The following SPAG17 variants were observed in gnomAD, a reference collection of about 807,000 sequenced individuals.
The protein encoded by SPAG17 is sperm associated antigen 17.
Under a neutral mutation model 273.6 loss-of-function variants are expected in SPAG17, and 169 were observed. The observed-to-expected ratio is 0.62, with a 90% confidence interval of 0.55 to 0.70. The LOEUF is 0.70. Ranked by LOEUF, SPAG17 falls within the 30% of genes least tolerant of loss-of-function variation. The pLI is 0.00. For synonymous variants in SPAG17, 825 were observed against 873.2 expected (o/e 0.94, Z 0.97); for missense variants, 2,557 against 2,627.8 (o/e 0.97, Z 0.59).
chr1:118,005,150 G>A (rs901623894), intron 32 of SPAG17, among the ~76,000 whole-genome samples: 1 of 152,138 alleles, frequency 6.6e-6, no homozygotes, highest in Non-Finnish European at 1.5e-5. Flanking sequence ...GTCTGCTACT[G>A]TTTCTTCCTT....
At position 118,012,208 on chromosome 1, in the gene SPAG17, A is replaced by G. The variant is rs768891217; in HGVS notation, c.4432+20T>C. 2 of 1,604,596 alleles carry G rather than the reference A, an allele frequency of 1.2e-6. No individual in the cohort carries two copies. Among genetic ancestry groups the G allele is most frequent in the Non-Finnish European group, 1.7e-6 (2 of 1,172,276 alleles). ...AAAGAGTTATAAAATATTGTCATGT[A>G]CTCAGAAAATAAAACATACTTGTTT... On this transcript the variant is annotated intron_variant, in intron 30 of 48. Transcript: ENST00000336338.
intron 18 of SPAG17, among the ~76,000 whole-genome samples, chr1:118,062,227 C>T (rs1000293855): frequency 3.3e-5 from 5 of 151,630 alleles, no homozygotes; most frequent in Admixed American, 1.3e-4. Flanking sequence ...ATTAGCCGGG[C>T]GTAGTGGCGG....
rs1655391630 is a variant in SPAG17, at chr1:118,091,809, TGCACTAATAAATGCAGGA to T, written c.1246+103_1247-92del. 17 of 1,321,504 alleles carry T rather than the reference TGCACTAATAAATGCAGGA, an allele frequency of 1.3e-5. No homozygotes were observed. The South Asian group carries it at 1.9e-4, about 15-fold the overall frequency. The allele number at this position is 1,321,504 out of a possible 1,614,324, so 81.9% of individuals were successfully genotyped here. A position where few individuals can be genotyped will look rare whatever the true frequency, so the allele number is the denominator to read the frequency against. The stretch of plus-strand genomic sequence containing the variant: ...CATGCATAATTTCAAACTATGACTA[TGCACTAATAAATGCAGGA>T]GCTGTAGGTGAAGGGAGGCTGAAAG... On this transcript the variant is annotated intron_variant, in intron 9 of 48. Transcript: ENST00000336338.
chr1:118,163,160 G>A (rs554888456), intron 1 of SPAG17, among the ~76,000 whole-genome samples: 34 of 152,050 alleles, frequency 2.2e-4, no homozygotes, highest in African/African-American at 4.1e-4. Flanking sequence ...TTATCTTTTC[G>A]TGCTTTTCTG....
intron 24 of SPAG17, among the ~76,000 whole-genome samples, chr1:118,033,278 T>A (rs1222279342): frequency 3.9e-5 from 6 of 152,148 alleles, no homozygotes; most frequent in African/African-American, 1.4e-4. Flanking sequence ...CAAACTCAAT[T>A]AAGTCTCTCT....
In SPAG17 at chr1:118,081,560, T is replaced by A. The variant is rs367656575; in HGVS notation, c.1845A>T (p.Lys615Asn). ...TCATCCCAGAAGGTTTCAGTTTCCC[T>A]TTTTCATCAACCTCAGAGAGCTTCA... is the stretch of plus-strand genomic sequence containing the variant. Reference protein sequence around the residue: ...ESLKLSEVDEKGKLKPSGMMC... With the variant: ...ESLKLSEVDENGKLKPSGMMC... Residue 615 changes from lysine to asparagine, a missense_variant, in exon 14 of 49, where the codon AAA becomes AAT. Transcript: ENST00000336338. 8.7e-6 allele frequency: 14 copies of A among 1,613,862 alleles called. No homozygotes were observed. Among genetic ancestry groups the A allele is most frequent in the Non-Finnish European group, 1.2e-5 (14 of 1,179,914 alleles).
At chr1:118,093,086 C>A (rs1028036936) in intron 8 of SPAG17, 70 bp downstream of exon 8, 2 of 1,484,788 alleles carry the variant, frequency 1.3e-6, no homozygotes, top group African/African-American at 2.8e-5. Flanking sequence ...CTTCATATGC[C>A]TTATAAATAT....
chr1:118,068,205 T>C (rs757385346), intron 17 of SPAG17, among the ~76,000 whole-genome samples: 2 of 151,558 alleles, frequency 1.3e-5, no homozygotes, highest in Non-Finnish European at 2.9e-5. Flanking sequence ...TAATTTTGCT[T>C]TCAATTCTAC....
At chr1:117,982,055 C>T (rs1032982459) in intron 42 of SPAG17, among the ~76,000 whole-genome samples, 6 of 151,986 alleles carry the variant, frequency 3.9e-5, no homozygotes, top group Non-Finnish European at 5.9e-5. Flanking sequence ...AGGTCTGAGA[C>T]GCAACCTAAT....
At chr1:117,966,561 T>C (rs772211628) in intron 47 of SPAG17, 48 bp downstream of exon 47, 1 of 1,429,934 alleles carries the variant, frequency 7.0e-7, no homozygotes, top group South Asian at 1.7e-5. Flanking sequence ...CTCACTCGTG[T>C]AATTTCTGCA....
rs1472625057 is a variant in SPAG17, at chr1:117,972,066, T to A, written c.6142-19A>T. On this transcript the variant is annotated intron_variant, in intron 44 of 48. Coordinates refer to ENST00000336338, the MANE Select transcript of SPAG17 (RefSeq NM_206996.4). ...CTTGCACCTTTGCATTAAGAAAAAA[T>A]TAATAAAATGGTTCTATTTTGAGTT... 2.5e-6 allele frequency: 4 copies of A among 1,580,536 alleles called. No individual in the cohort carries two copies. The highest frequency in any genetic ancestry group is 2.4e-5 in the South Asian group (2 of 85,100).
chr1:118,177,354 C>A (rs1348108385), intron 1 of SPAG17, among the ~76,000 whole-genome samples: 3 of 152,012 alleles, frequency 2.0e-5, no homozygotes, highest in Non-Finnish European at 2.9e-5. Flanking sequence ...TAAGATCTTG[C>A]GAGATTCCCT....
Position 117,994,526 on chromosome 1 carries a change from G to C in SPAG17, c.5058C>G (p.Thr1686=). 6.2e-7 allele frequency: 1 copy of C among 1,605,554 alleles called. No individual in the cohort carries two copies. The highest frequency in any genetic ancestry group is 8.5e-7 in the Non-Finnish European group (1 of 1,176,858). The stretch of plus-strand genomic sequence containing the variant: ...AAGGGCGAAGGACTGTGATGGTTAG[G>C]GTGCCTGGTTCAAAGAAAGTTGTCA... The part of the protein sequence containing the change: ...LQEPVQEQPG[T]LTITVLRPFH... Residue 1686 remains threonine, a synonymous_variant, in exon 35 of 49, where the codon ACC becomes ACG. Transcript: ENST00000336338.
Position 117,981,385 on chromosome 1 carries a change from C to T in SPAG17, c.5889G>A (p.Lys1963=). The change falls in exon 43 of 49, where the codon AAG becomes AAA. Residue 1963 remains lysine (K), a synonymous_variant. Coordinates refer to ENST00000336338, the MANE Select transcript of SPAG17 (RefSeq NM_206996.4). ...CACTTGAGGATTTCTGTTCTGAAAC[C>T]TTATGTGGCTTGAAATCTAGAAAAC... ...SDLNLDFKPH[K]VSEQKSSSVP... The T allele has an allele frequency of 1.3e-6, 2 of 1,591,858 alleles. No homozygotes were observed. Among genetic ancestry groups the T allele is most frequent in the Non-Finnish European group, 1.7e-6 (2 of 1,174,732 alleles).
At chr1:118,157,842 C>G (rs1283610390) in intron 1 of SPAG17, among the ~76,000 whole-genome samples, 1 of 152,148 alleles carries the variant, frequency 6.6e-6, no homozygotes, top group East Asian at 1.9e-4. Flanking sequence ...CTTCTCAGTA[C>G]AGCACCTAGC....
At chr1:118,087,099 G>T in intron 10 of SPAG17, 91 bp from the exon 11 acceptor site, 1 of 1,395,788 alleles carries the variant, frequency 7.2e-7, no homozygotes. Flanking sequence ...TGCTTAGTAA[G>T]AACCAGTCCA....
chr1:118,082,053 T>C (rs1654623827), intron 13 of SPAG17, among the ~76,000 whole-genome samples: 1 of 152,252 alleles, frequency 6.6e-6, no homozygotes, highest in African/African-American at 2.4e-5. Flanking sequence ...TAGGCTATTA[T>C]ATTGACTGAG....
At chr1:118,015,834 C>G in intron 29 of SPAG17, 131 bp downstream of exon 29, 1 of 787,640 alleles carries the variant, frequency 1.3e-6, no homozygotes. Context: ...ATCCATCCAT[C>G]CACCCATCCA....
At position 118,182,838 on chromosome 1, in the gene SPAG17, T is replaced by A. The variant is rs538733319; in HGVS notation, c.87+2233A>T. Reference sequence around the variant, plus strand: ...ATCATTTCCTGACTATCCCAGCCCATATTCATCTTCCTAACCTCTAGTCTC... The same window carrying A: ...ATCATTTCCTGACTATCCCAGCCCAAATTCATCTTCCTAACCTCTAGTCTC... On this transcript the variant is annotated intron_variant, in intron 1 of 48. Transcript: ENST00000336338. Among the ~76,000 whole-genome samples, 49 of 152,346 alleles carry A rather than the reference T, an allele frequency of 3.2e-4. 1 individual carries two copies. Among genetic ancestry groups the A allele is most frequent in the East Asian group, 5.8e-4 (3 of 5,194 alleles).
Sources: gnomAD v4.1 joint callset for allele counts (sites outside exome capture counted in the v4.1 genomes callset) on GRCh38, gnomAD v4.1.1 for gene constraint, MANE v1.5 for transcripts, NCBI Gene and HGNC (gene_info 2026-07-23, HGNC 2026-07-21) for gene names.